Variants in ABHD13 observed in about 807,000 individuals in gnomAD.
The protein encoded by ABHD13 is protein ABHD13.
A neutral mutation model predicts 25.2 loss-of-function variants in ABHD13; 7 were observed. The ratio of observed to expected loss-of-function variants is 0.28; its 90% CI spans 0.16 to 0.52. ABHD13 has a LOEUF of 0.52. Ranked by LOEUF, ABHD13 falls within the 20% of genes least tolerant of loss-of-function variation. ABHD13 has a pLI of 0.96. For synonymous variants in ABHD13, 133 were observed against 136.1 expected, an observed-to-expected ratio of 0.98 and a Z score of 0.16; for missense variants, 302 against 402.7, an observed-to-expected ratio of 0.75 and a Z score of 2.14.
Position 108,230,255 on chromosome 13 carries a change from A to T in ABHD13, c.*23A>T. ...TAATGTTTCCCTTTTTGATTATTGC[A>T]TTGTATTTTAATTTGTGCAGAATGA... On this transcript the variant is annotated 3_prime_UTR_variant, in exon 2 of 2. Coordinates refer to ENST00000375898, the MANE Select transcript of ABHD13 (RefSeq NM_032859.3). 1.3e-6 allele frequency: 2 copies of T among 1,512,816 alleles called. No homozygotes were observed. The highest frequency in any genetic ancestry group is 2.6e-5 in the South Asian group (2 of 78,176). 93.7% of individuals were successfully genotyped at this position (1,512,816 alleles called of 1,614,324 possible).
intron 1 of ABHD13, among the ~76,000 whole-genome samples, chr13:108,220,756 G>T (rs1436445318): frequency 6.6e-6 from 1 of 152,170 alleles, no homozygotes; most frequent in Admixed American, 6.5e-5. Context: ...GATACTTCTA[G>T]TAAGGCTTCT....
chr13:108,229,186 T>TCC lies in ABHD13; in HGVS notation c.-20-12_-20-11insCC. On this transcript the variant is annotated splice_polypyrimidine_tract_variant and intron_variant, in intron 1 of 1. Coordinates refer to ENST00000375898, the MANE Select transcript of ABHD13 (RefSeq NM_032859.3). This position sits in a 1 kb window ranked among gnomAD's most constrained non-coding sequence, Gnocchi z 4.7. Reference sequence around the variant, plus strand: ...GACGTTGAATTATTGATATTCTCCCTCTCTCTCTCTAGGATACTTACAGAG... The same window carrying TCC: ...GACGTTGAATTATTGATATTCTCCCTCCCTCTCTCTCTAGGATACTTACAGAG... The TCC allele has an allele frequency of 7.2e-7, 1 of 1,393,050 alleles. No individual in the cohort carries two copies. The highest frequency in any genetic ancestry group is 9.6e-7 in the Non-Finnish European group (1 of 1,037,990). 86.3% of individuals were successfully genotyped at this position (1,393,050 alleles called of 1,614,324 possible).
chr13:108,220,939 A>G (rs1478617074), intron 1 of ABHD13, among the ~76,000 whole-genome samples: 1 of 152,248 alleles, frequency 6.6e-6, no homozygotes, highest in Non-Finnish European at 1.5e-5. Context: ...GTTTTAGGCT[A>G]GTGGATTTGT....
chr13:108,222,932 G>T (rs1879598166), intron 1 of ABHD13, among the ~76,000 whole-genome samples: 1 of 152,236 alleles, frequency 6.6e-6, no homozygotes, highest in African/African-American at 2.4e-5. Flanking sequence ...ATTTGTAGTT[G>T]TAAAGGGAAG....
chr13:108,225,154 ACAT>A (rs1380743678), intron 1 of ABHD13, among the ~76,000 whole-genome samples: 3 of 152,200 alleles, frequency 2.0e-5, no homozygotes, highest in Non-Finnish European at 4.4e-5. Context: ...ATTTGTTTAC[ACAT>A]CATGCTTTTT....
At chr13:108,226,300 T>TGACA (rs966903734) in intron 1 of ABHD13, among the ~76,000 whole-genome samples, 4 of 152,298 alleles carry the variant, frequency 2.6e-5, no homozygotes, top group African/African-American at 9.6e-5. Context: ...TGTCTTTTTG[T>TGACA]GACAGCATGT....
In ABHD13 at chr13:108,229,612, C is replaced by T. The variant is rs767278268; in HGVS notation, c.394C>T (p.Pro132Ser). Residue 132 changes from proline (P) to serine (S), a missense_variant, in exon 2 of 2, where the codon CCA becomes TCA. Coordinates refer to ENST00000375898, the MANE Select transcript of ABHD13 (RefSeq NM_032859.3). The surrounding 1 kb of genome is among the most constrained non-coding windows in gnomAD (Gnocchi z 4.7). ...GNAGNIGHRL[P>S]NALLMLVNLK... ...TGCAGGCAACATAGGTCACAGGTTG[C>T]CAAATGCATTACTTATGTTGGTTAA... The T allele has an allele frequency of 5.0e-6, 8 of 1,613,188 alleles. No homozygotes were observed. In the Admixed American group the frequency reaches 1.0e-4, roughly 20 times the overall value.
chr13:108,222,897 C>A (rs1879597728), intron 1 of ABHD13, among the ~76,000 whole-genome samples: 1 of 152,156 alleles, frequency 6.6e-6, no homozygotes, highest in Non-Finnish European at 1.5e-5. Flanking sequence ...TAAAGTGAAA[C>A]ATGAAGAAAG....
At chr13:108,219,007 C>T (rs994573516) in intron 1 of ABHD13, among the ~76,000 whole-genome samples, 1 of 152,132 alleles carries the variant, frequency 6.6e-6, no homozygotes, top group Non-Finnish European at 1.5e-5. Flanking sequence ...TAAAACGTAT[C>T]TTAGTGTTCT....
intron 1 of ABHD13, among the ~76,000 whole-genome samples, chr13:108,223,979 G>C (rs1331717078): frequency 2.6e-5 from 4 of 152,310 alleles, no homozygotes; most frequent in African/African-American, 9.6e-5. Flanking sequence ...GAAAGTAATA[G>C]AGATTCTTAA....
At chr13:108,228,782 G>C (rs996344156) in intron 1 of ABHD13, among the ~76,000 whole-genome samples, 6 of 151,564 alleles carry the variant, frequency 4.0e-5, no homozygotes, top group Non-Finnish European at 8.8e-5. Flanking sequence ...ACAATCTCTA[G>C]AATCATGCTT....
rs1419743082 is a variant in ABHD13, at chr13:108,229,149, A to G, written c.-20-50A>G. 2.2e-6 allele frequency: 3 copies of G among 1,390,636 alleles called. No individual in the cohort carries two copies. Among genetic ancestry groups the G allele is most frequent in the African/African-American group, 1.5e-5 (1 of 68,506 alleles). 86.1% of individuals were successfully genotyped at this position (1,390,636 alleles called of 1,614,324 possible). A position where few individuals can be genotyped will look rare whatever the true frequency, so the allele number is the denominator to read the frequency against. On this transcript the variant is annotated intron_variant, in intron 1 of 1. Coordinates refer to ENST00000375898, the MANE Select transcript of ABHD13 (RefSeq NM_032859.3). This position sits in a 1 kb window ranked among gnomAD's most constrained non-coding sequence, Gnocchi z 4.7. ...TAGTTTATTATATTGTGGATTTTTAAAAGAATAGATAGACGTTGAATTATT... is the reference window on the plus strand; with the variant it reads ...TAGTTTATTATATTGTGGATTTTTAGAAGAATAGATAGACGTTGAATTATT...
At position 108,229,767 on chromosome 13, in the gene ABHD13, T is replaced by A. The variant is rs1319531479; in HGVS notation, c.549T>A (p.Asp183Glu). The A allele has an allele frequency of 6.2e-7, 1 of 1,613,356 alleles. No homozygotes were observed. Among genetic ancestry groups the A allele is most frequent in the South Asian group, 1.1e-5 (1 of 91,058 alleles). Residue 183 changes from aspartate to glutamate, a missense_variant, in exon 2 of 2, where the codon GAT (aspartate) becomes GAA (glutamate). Asp to Glu is a conservative substitution (Grantham distance 45). Coordinates refer to ENST00000375898, the MANE Select transcript of ABHD13 (RefSeq NM_032859.3). The surrounding 1 kb of genome is among the most constrained non-coding windows in gnomAD (Gnocchi z 4.7). ...LDYVMTRPDL[D>E]KTKIFLFGRS... ...ACGTGATGACTAGACCTGACCTTGA[T>A]AAAACAAAAATTTTTCTTTTTGGCC...
In ABHD13 at chr13:108,230,762, T is replaced by C. The variant is rs1205032852; in HGVS notation, c.*530T>C. On this transcript the variant is annotated 3_prime_UTR_variant, in exon 2 of 2. Transcript: ENST00000375898. ...GGTCATATACTGATGTATATGGTTA[T>C]CTGGGTTATATCTATTTTTATGTAA... 6.0e-6 allele frequency: 1 copy of C among 166,792 alleles called. No individual in the cohort carries two copies. Among genetic ancestry groups the C allele is most frequent in the Non-Finnish European group, 1.5e-5 (1 of 68,002 alleles). 10.3% of individuals were successfully genotyped at this position (166,792 alleles called of 1,614,324 possible).
rs369900380 is a variant in ABHD13 at position 108,232,149 on chromosome 13, C to G, written c.*1917C>G. 56 of 166,692 alleles carry G rather than the reference C, an allele frequency of 3.4e-4. No individual in the cohort carries two copies. In the East Asian group the frequency reaches 3.7e-3, roughly 11 times the overall value. The allele number at this position is 166,692 out of a possible 1,614,324, so 10.3% of individuals were successfully genotyped here. On this transcript the variant is annotated 3_prime_UTR_variant, in exon 2 of 2. Coordinates refer to ENST00000375898, the MANE Select transcript of ABHD13 (RefSeq NM_032859.3). ...TGTTTTTATGTAATCAGTCATTACA[C>G]TAGGGAGAAATTTATCAGCTTTAGT...
At position 108,232,110 on chromosome 13, in the gene ABHD13, A is replaced by C. The variant is rs1330033706; in HGVS notation, c.*1878A>C. The C allele has an allele frequency of 1.2e-5, 2 of 163,112 alleles. No homozygotes were observed. Among genetic ancestry groups the C allele is most frequent in the Non-Finnish European group, 3.0e-5 (2 of 66,748 alleles). 10.1% of individuals were successfully genotyped at this position (163,112 alleles called of 1,614,324 possible). A position where few individuals can be genotyped will look rare whatever the true frequency, so the allele number is the denominator to read the frequency against. ...ATTTGTATCATTCTTTAAAGTTTAC[A>C]AAAAAAAACCTTATGTTTTTATGTA... On this transcript the variant is annotated 3_prime_UTR_variant, in exon 2 of 2. Coordinates refer to ENST00000375898, the MANE Select transcript of ABHD13 (RefSeq NM_032859.3).
At chr13:108,221,067 T>C (rs1879557805) in intron 1 of ABHD13, among the ~76,000 whole-genome samples, 2 of 152,264 alleles carry the variant, frequency 1.3e-5, no homozygotes, top group African/African-American at 2.4e-5. Context: ...TTTTCAAGCA[T>C]GAAAAAGCTA....
At position 108,233,403 on chromosome 13, in the gene ABHD13, G is replaced by C. The variant is rs1288378645; in HGVS notation, c.*3171G>C. The C allele has an allele frequency of 6.0e-6, 1 of 166,674 alleles. No individual in the cohort carries two copies. The highest frequency in any genetic ancestry group is 1.5e-5 in the Non-Finnish European group (1 of 67,944). 10.3% of individuals were successfully genotyped at this position (166,674 alleles called of 1,614,324 possible). A position where few individuals can be genotyped will look rare whatever the true frequency, so the allele number is the denominator to read the frequency against. On this transcript the variant is annotated 3_prime_UTR_variant, in exon 2 of 2. Coordinates refer to ENST00000375898, the MANE Select transcript of ABHD13 (RefSeq NM_032859.3). ...GAGACCCTTTTCTCCTTGAGGATAG[G>C]GATAGGTAAGGTAAACTTGTAAAAA...
intron 1 of ABHD13, among the ~76,000 whole-genome samples, chr13:108,220,295 TC>T (rs1879537887): frequency 6.6e-6 from 1 of 152,236 alleles, no homozygotes. Context: ...CTTGGGCACA[TC>T]AAAGACCTCT....
Sources: allele counts gnomAD v4.1 joint callset (sites outside exome capture counted in the v4.1 genomes callset), GRCh38; gene constraint gnomAD v4.1.1; non-coding constraint Gnocchi (gnomAD v3.1); transcripts MANE v1.5; gene names NCBI Gene and HGNC (gene_info 2026-07-23, HGNC 2026-07-21).